ZNF469: variants seen among roughly 807,000 people sequenced by gnomAD.
The protein encoded by ZNF469 is zinc finger protein 469.
In ZNF469, 1 loss-of-function variant was observed where a neutral mutation model predicts 1.0. The observed-to-expected ratio is 1.00, with a 90% CI of 0.35 to 4.73. The LOEUF (loss-of-function observed/expected upper bound fraction) is 4.73. Among genes scored for constraint, ZNF469 ranks in the 30% most tolerant of loss-of-function variants. The pLI is 0.16. For synonymous variants in ZNF469, 2,703 were observed against 2,363.4 expected, an observed-to-expected ratio of 1.14 and a Z score of -4.17; for missense variants, 6,100 against 5,356.3, an observed-to-expected ratio of 1.14 and a Z score of -4.33.
At chr16:88,287,701 G>C in the ZNF469 span, among the ~76,000 whole-genome samples, 2 of 152,006 alleles carry the variant, frequency 1.3e-5, no homozygotes, top group African/African-American at 2.4e-5. Context: ...TACCCTTTCC[G>C]GTCTTCATGT....
At chr16:88,286,573 T>G in the ZNF469 span, among the ~76,000 whole-genome samples, 1 of 152,272 alleles carries the variant, frequency 6.6e-6, no homozygotes, top group African/African-American at 2.4e-5. Context: ...CCTGGGCCCC[T>G]GCCAGGGCTT....
chr16:88,272,818 A>G, the ZNF469 span, among the ~76,000 whole-genome samples: 3,905 of 149,132 alleles, frequency 0.026, 75 homozygotes, highest in Non-Finnish European at 0.042. Flanking sequence ...GAGTGGGCAG[A>G]TGGATGAACA....
the ZNF469 span, among the ~76,000 whole-genome samples, chr16:88,321,104 G>A: frequency 6.1e-3 from 927 of 152,346 alleles, 6 homozygotes; most frequent in South Asian, 0.035. Flanking sequence ...GCTGCAGAGC[G>A]GCCCAGCCTG....
chr16:88,183,211 G>A, the ZNF469 span, among the ~76,000 whole-genome samples: 5 of 152,354 alleles, frequency 3.3e-5, no homozygotes, highest in East Asian at 5.8e-4. Context: ...AGTCGCGGGC[G>A]TTGCTGGCGG....
chr16:88,235,329 C>T, the ZNF469 span, among the ~76,000 whole-genome samples: 1 of 152,204 alleles, frequency 6.6e-6, no homozygotes, highest in Non-Finnish European at 1.5e-5. Flanking sequence ...TTCAGCAGTA[C>T]CTGGGTCCCC....
At chr16:88,281,636 C>T in the ZNF469 span, among the ~76,000 whole-genome samples, 20 of 151,298 alleles carry the variant, frequency 1.3e-4, 1 homozygote, top group African/African-American at 4.4e-4. Context: ...GATGCTTGGT[C>T]AGTACTGTGC....
intron 1 of ZNF469, among the ~76,000 whole-genome samples, chr16:88,408,724 C>G (rs905297584): frequency 6.6e-6 from 1 of 151,466 alleles, no homozygotes; most frequent in Non-Finnish European, 1.5e-5. Flanking sequence ...CCAGGCCAGC[C>G]CTGACCCTCC....
chr16:88,402,217 G>A (rs1904903088), intron 1 of ZNF469, among the ~76,000 whole-genome samples: 1 of 152,108 alleles, frequency 6.6e-6, no homozygotes, highest in South Asian at 2.1e-4. Context: ...TGAGTGGGTG[G>A]CAGATGCTGG....
the ZNF469 span, among the ~76,000 whole-genome samples, chr16:88,323,515 G>C: frequency 2.6e-5 from 4 of 152,236 alleles, no homozygotes; most frequent in East Asian, 7.7e-4. Flanking sequence ...ATCTCTGTGG[G>C]GTGAGAGGGC....
At position 88,431,557 on chromosome 16, in the gene ZNF469, C is replaced by T. The variant is rs900020945; in HGVS notation, c.4087C>T (p.Pro1363Ser). The T allele has an allele frequency of 6.5e-7, 1 of 1,550,314 alleles. No individual in the cohort carries two copies. The highest frequency in any genetic ancestry group is 1.4e-5 in the African/African-American group (1 of 73,060). ...GCDPAGFNRD[P>S]LGVPVAKKGP... is the part of the protein sequence containing the mutation. ...TGACCCTGCTGGTTTTAACAGAGAC[C>T]CCTTGGGGGTTCCAGTTGCCAAAAA... The change falls in exon 3 of 3, where the codon CCC becomes TCC. Residue 1363 changes from proline (P) to serine (S), a missense_variant. Coordinates refer to ENST00000565624, the MANE Select transcript of ZNF469 (RefSeq NM_001367624.2).
At chr16:88,114,413 G>T in the ZNF469 span, among the ~76,000 whole-genome samples, 1 of 128,692 alleles carries the variant, frequency 7.8e-6, no homozygotes, top group African/African-American at 3.1e-5. Flanking sequence ...GGGAATGACA[G>T]GGACCACACT....
At chr16:88,279,566 T>C in the ZNF469 span, among the ~76,000 whole-genome samples, 18 of 138,506 alleles carry the variant, frequency 1.3e-4, 1 homozygote, top group South Asian at 4.8e-4. Context: ...CGGTTAGTGC[T>C]GCACCACACT....
chr16:88,111,878 G>T, the ZNF469 span, among the ~76,000 whole-genome samples: 1 of 152,184 alleles, frequency 6.6e-6, no homozygotes, highest in African/African-American at 2.4e-5. Flanking sequence ...CTTGTGATCC[G>T]CCTGCCTTGG....
chr16:88,220,483 AG>A, the ZNF469 span, among the ~76,000 whole-genome samples: 1 of 152,178 alleles, frequency 6.6e-6, no homozygotes, highest in African/African-American at 2.4e-5. Context: ...GATGGCAGCC[AG>A]GTGACAGAAT....
chr16:88,225,511 C>A, the ZNF469 span, among the ~76,000 whole-genome samples: 1 of 152,106 alleles, frequency 6.6e-6, no homozygotes, highest in African/African-American at 2.4e-5. Flanking sequence ...GGGTGGAGGG[C>A]TTTGCCTTTT....
At chr16:88,208,801 A>ACTCTCTCT in the ZNF469 span, among the ~76,000 whole-genome samples, 9 of 20,176 alleles carry the variant, frequency 4.5e-4, no homozygotes, top group African/African-American at 9.3e-4. Flanking sequence ...ACACACACAC[A>ACTCTCTCT]CACTCTCTCT....
chr16:88,322,460 A>G, the ZNF469 span, among the ~76,000 whole-genome samples: 1 of 152,210 alleles, frequency 6.6e-6, no homozygotes, highest in African/African-American at 2.4e-5. Flanking sequence ...CTGAAGCTCC[A>G]CAGCCGCAGC....
the ZNF469 span, among the ~76,000 whole-genome samples, chr16:88,328,855 G>A: frequency 4.6e-5 from 7 of 152,152 alleles, no homozygotes; most frequent in East Asian, 1.9e-4. Context: ...TGGGGCAGGC[G>A]GGTGGGGGAG....
At chr16:88,393,402 T>C (rs1216361974) in intron 1 of ZNF469, among the ~76,000 whole-genome samples, 1 of 152,202 alleles carries the variant, frequency 6.6e-6, no homozygotes, top group Non-Finnish European at 1.5e-5. Flanking sequence ...CAGCCTGCTT[T>C]GCTTGGATGT....
Sources: allele counts gnomAD v4.1 joint callset (sites outside exome capture counted in the v4.1 genomes callset), GRCh38; gene constraint gnomAD v4.1.1; transcripts MANE v1.5; gene names NCBI Gene and HGNC (gene_info 2026-07-23, HGNC 2026-07-21).